The following SCAPER variants were observed in gnomAD, a reference collection of about 807,000 sequenced individuals.
SCAPER encodes S phase cyclin A-associated protein in the endoplasmic reticulum.
SCAPER carries 98 observed loss-of-function variants against 182.2 expected under a neutral mutation model. The observed-to-expected ratio is 0.54, with a 90% CI of 0.46 to 0.64. The LOEUF (loss-of-function observed/expected upper bound fraction) is 0.64, where lower values mean the gene tolerates loss of function less well. SCAPER is among the 30% of genes least tolerant of loss of function. SCAPER has a pLI of 0.00. For synonymous variants in SCAPER, 605 were observed against 564.6 expected (o/e 1.07, Z -1.01); for missense variants, 1,432 against 1,690.0 (o/e 0.85, Z 2.68).
intron 21 of SCAPER, among the ~76,000 whole-genome samples, chr15:76,658,142 TATG>T (rs766441381): frequency 3.2e-4 from 48 of 152,208 alleles, no homozygotes; most frequent in Admixed American, 2.1e-3. Context: ...TAGCTGACGA[TATG>T]ATACTATCCC....
chr15:76,632,681 A>C (rs12438186), intron 21 of SCAPER, among the ~76,000 whole-genome samples: 58,003 of 151,000 alleles, frequency 0.38, 13,075 homozygotes, highest in Middle Eastern at 0.52. Context: ...GAGAAGAGGC[A>C]CTCTGGCTTT....
At chr15:76,405,678 T>C (rs549346490) in intron 26 of SCAPER, among the ~76,000 whole-genome samples, 1 of 152,342 alleles carries the variant, frequency 6.6e-6, no homozygotes, top group East Asian at 1.9e-4. Flanking sequence ...TTTAAAACTA[T>C]AAAAGACCTT....
At chr15:76,584,429 A>AATAAGTACAAACATAT (rs2048484171) in intron 22 of SCAPER, among the ~76,000 whole-genome samples, 1 of 152,222 alleles carries the variant, frequency 6.6e-6, no homozygotes, top group African/African-American at 2.4e-5. Context: ...TTGTGACATT[A>AATAAGTACAAACATAT]AGAGAGGATA....
chr15:76,501,519 G>C (rs1219459372), intron 24 of SCAPER, among the ~76,000 whole-genome samples: 1 of 152,200 alleles, frequency 6.6e-6, no homozygotes, highest in African/African-American at 2.4e-5. Flanking sequence ...AAGAGTCAGG[G>C]CTTCAGAAGC....
At chr15:76,476,229 G>A (rs1000192333) in intron 24 of SCAPER, among the ~76,000 whole-genome samples, 2 of 152,136 alleles carry the variant, frequency 1.3e-5, no homozygotes, top group African/African-American at 2.4e-5. Flanking sequence ...CTGTAGCTTC[G>A]GGTACACATT....
In SCAPER at chr15:76,845,975, G is replaced by A. The variant is rs969472680; in HGVS notation, c.196-4044C>T. On this transcript the variant is annotated intron_variant, in intron 4 of 31. Transcript: ENST00000563290. ...AGAACTATAGTAACTCAAACAGCAT[G>A]GTACTGGCATAAAAACAGACACACA... Among the ~76,000 whole-genome samples the A allele has an allele frequency of 4.6e-5, 7 of 152,106 alleles. No individual in the cohort carries two copies. The East Asian group carries it at 1.4e-3, about 29-fold the overall frequency.
chr15:76,552,223 C>T (rs1384896836), intron 23 of SCAPER, among the ~76,000 whole-genome samples: 2 of 152,090 alleles, frequency 1.3e-5, no homozygotes, highest in African/African-American at 4.8e-5. Context: ...TTTGAGGTTG[C>T]AGTGAGCTGA....
chr15:76,466,423 T>C (rs2049644973), intron 25 of SCAPER, among the ~76,000 whole-genome samples: 1 of 119,494 alleles, frequency 8.4e-6, no homozygotes, highest in African/African-American at 3.8e-5. Flanking sequence ...GTTCTTCTTT[T>C]TTTTTTTTTT....
intron 23 of SCAPER, among the ~76,000 whole-genome samples, chr15:76,518,867 T>C (rs925877115): frequency 2.0e-5 from 3 of 152,240 alleles, no homozygotes; most frequent in African/African-American, 7.2e-5. Flanking sequence ...GTGTGAAAAC[T>C]TTTTTCAGAA....
chr15:76,384,489 TCTC>T (rs1288556272), intron 27 of SCAPER, among the ~76,000 whole-genome samples: 1 of 152,164 alleles, frequency 6.6e-6, no homozygotes, highest in East Asian at 1.9e-4. Context: ...TATCAGAACA[TCTC>T]CTCTCCTGCA....
intron 22 of SCAPER, among the ~76,000 whole-genome samples, chr15:76,621,272 C>T (rs1410252553): frequency 1.3e-5 from 2 of 152,162 alleles, no homozygotes; most frequent in African/African-American, 2.4e-5. Flanking sequence ...TACATTTACA[C>T]CTCAATGGTG....
chr15:76,619,696 G>A (rs2051841308), intron 22 of SCAPER, among the ~76,000 whole-genome samples: 1 of 152,004 alleles, frequency 6.6e-6, no homozygotes, highest in Non-Finnish European at 1.5e-5. Context: ...CCATTAACTT[G>A]TCATTTAGCA....
At chr15:76,787,752 C>A (rs984335440) in intron 8 of SCAPER, among the ~76,000 whole-genome samples, 1 of 152,142 alleles carries the variant, frequency 6.6e-6, no homozygotes, top group African/African-American at 2.4e-5. Context: ...AAATTTTAAA[C>A]TATCAACTTC....
intron 23 of SCAPER, among the ~76,000 whole-genome samples, chr15:76,559,506 C>G (rs1000613385): frequency 1.3e-5 from 2 of 152,212 alleles, no homozygotes; most frequent in East Asian, 3.9e-4. Flanking sequence ...AACTGTGAGT[C>G]GGTTAAACTC....
intron 28 of SCAPER, among the ~76,000 whole-genome samples, chr15:76,377,185 G>A (rs1838507839): frequency 6.6e-6 from 1 of 152,192 alleles, no homozygotes; most frequent in African/African-American, 2.4e-5. Flanking sequence ...TTGCACCTTG[G>A]AAGTTTCAAT....
chr15:76,717,293 G>A (rs553499421), intron 17 of SCAPER, among the ~76,000 whole-genome samples: 19 of 152,144 alleles, frequency 1.2e-4, no homozygotes, highest in Admixed American at 7.9e-4. Context: ...ATGCTTCTTC[G>A]AGGAGAAAGA....
intron 25 of SCAPER, among the ~76,000 whole-genome samples, chr15:76,436,585 A>G (rs749553844): frequency 5.9e-5 from 9 of 151,776 alleles, no homozygotes; most frequent in Non-Finnish European, 1.3e-4. Flanking sequence ...CATGGATGCA[A>G]TATCTTCTCA....
At chr15:76,781,640 A>C (rs2064148790) in intron 8 of SCAPER, among the ~76,000 whole-genome samples, 1 of 152,202 alleles carries the variant, frequency 6.6e-6, no homozygotes, top group South Asian at 2.1e-4. Context: ...AGCCAGAGAG[A>C]AAGGTAGGGT....
In SCAPER at chr15:76,450,267, A is replaced by T. The variant is rs1187285885; in HGVS notation, c.3079-15957T>A. Among the ~76,000 whole-genome samples, 3 of 152,330 alleles carry T rather than the reference A, an allele frequency of 2.0e-5. No individual in the cohort carries two copies. The East Asian group carries it at 5.8e-4, about 29-fold the overall frequency. ...GTTCACTTAAAATATAAGGAAAGCA[A>T]ATCAATAGCTTTTTTCTTGATGTTA... On this transcript the variant is annotated intron_variant, in intron 25 of 31. Transcript: ENST00000563290.
Sources: allele counts gnomAD v4.1 joint callset (sites outside exome capture counted in the v4.1 genomes callset), GRCh38; gene constraint gnomAD v4.1.1; transcripts MANE v1.5; gene names NCBI Gene and HGNC (gene_info 2026-07-23, HGNC 2026-07-21).